The following GLRB variants were observed in gnomAD, a reference collection of about 807,000 sequenced individuals.
The protein encoded by GLRB is glycine receptor subunit beta.
Under a neutral mutation model 54.2 loss-of-function variants are expected in GLRB, and 33 were observed. The observed-to-expected ratio is 0.61, with a 90% CI of 0.46 to 0.81. The LOEUF is 0.81. Ranked by LOEUF, GLRB falls within the 40% of genes least tolerant of loss-of-function variation. GLRB has a pLI of 0.00. For missense variants in GLRB, 572 were observed against 584.6 expected, an observed-to-expected ratio of 0.98 and a Z score of 0.22; for synonymous variants, 209 against 208.2, an observed-to-expected ratio of 1.00 and a Z score of -0.03.
At chr4:157,170,409 T>G in intron 9 of GLRB, 23 bp from the exon 10 acceptor site, 1 of 1,444,090 alleles carries the variant, frequency 6.9e-7, no homozygotes, top group Non-Finnish European at 9.7e-7. Flanking sequence ...TTTAAATACA[T>G]TGTCTTCAAT....
intron 8 of GLRB, among the ~76,000 whole-genome samples, chr4:157,150,513 A>T (rs1033751440): frequency 1.3e-5 from 2 of 152,024 alleles, no homozygotes; most frequent in African/African-American, 4.8e-5. Flanking sequence ...CCCTTTTCTG[A>T]CACCAAAACA....
chr4:157,092,952 G>T (rs1045013454), intron 2 of GLRB, among the ~76,000 whole-genome samples: 1 of 152,144 alleles, frequency 6.6e-6, no homozygotes, highest in African/African-American at 2.4e-5. Context: ...CTAGCTAGTG[G>T]CAGATTTGGC....
chr4:157,099,851 C>T (rs1009149760), intron 2 of GLRB, among the ~76,000 whole-genome samples: 7 of 152,062 alleles, frequency 4.6e-5, no homozygotes, highest in African/African-American at 1.7e-4. Flanking sequence ...TTAATTTTAA[C>T]CATCTTCTGT....
chr4:157,093,826 G>C (rs11930311), intron 2 of GLRB, among the ~76,000 whole-genome samples: 37,004 of 150,058 alleles, frequency 0.25, 4,957 homozygotes, highest in East Asian at 0.42. Context: ...AAGCAATAGA[G>C]TAGTTCTTCA....
At chr4:157,094,250 T>C (rs1483529528) in intron 2 of GLRB, among the ~76,000 whole-genome samples, 2 of 152,182 alleles carry the variant, frequency 1.3e-5, no homozygotes, top group Non-Finnish European at 2.9e-5. Flanking sequence ...GTGATTACCA[T>C]TCAGTAAATT....
chr4:157,112,734 AT>A (rs765227709), intron 2 of GLRB, among the ~76,000 whole-genome samples: 2 of 152,026 alleles, frequency 1.3e-5, no homozygotes, highest in Admixed American at 6.6e-5. Context: ...AGCCACCTTC[AT>A]ATACCCCTAT....
At chr4:157,155,495 T>C (rs971698717) in intron 9 of GLRB, among the ~76,000 whole-genome samples, 1 of 152,208 alleles carries the variant, frequency 6.6e-6, no homozygotes, top group Non-Finnish European at 1.5e-5. Flanking sequence ...ACTTTCCCTT[T>C]ATCTGAGAAT....
intron 2 of GLRB, among the ~76,000 whole-genome samples, chr4:157,095,722 G>A (rs1461636361): frequency 6.6e-6 from 1 of 152,106 alleles, no homozygotes; most frequent in African/African-American, 2.4e-5. Flanking sequence ...GCATATTGAG[G>A]GCTCTCTGTG....
chr4:157,162,915 A>T (rs372562228), intron 9 of GLRB, among the ~76,000 whole-genome samples: 5 of 152,048 alleles, frequency 3.3e-5, no homozygotes, highest in East Asian at 3.9e-4. Context: ...CTTTTGTTCA[A>T]CTAGGCCTGC....
chr4:157,102,578 A>G (rs187451697), intron 2 of GLRB, among the ~76,000 whole-genome samples: 11 of 152,318 alleles, frequency 7.2e-5, no homozygotes, highest in African/African-American at 1.9e-4. Flanking sequence ...TACACAATAT[A>G]TAAATTTAGA....
chr4:157,143,073 T>C (rs1736676370), intron 7 of GLRB, among the ~76,000 whole-genome samples: 1 of 152,138 alleles, frequency 6.6e-6, no homozygotes, highest in Non-Finnish European at 1.5e-5. Flanking sequence ...GTTGATGTCA[T>C]GGCCACTCTA....
intron 9 of GLRB, among the ~76,000 whole-genome samples, chr4:157,156,351 A>T (rs1184313379): frequency 2.0e-5 from 3 of 152,154 alleles, no homozygotes; most frequent in Admixed American, 6.6e-5. Context: ...TAGCAGTACT[A>T]CTGATTTGTG....
chr4:157,144,674 G>T lies in GLRB; in HGVS notation c.904+715G>T, dbSNP rs1042726426. Among the ~76,000 whole-genome samples the T allele has an allele frequency of 2.0e-5, 3 of 152,128 alleles. No individual in the cohort carries two copies. In the South Asian group the frequency reaches 6.2e-4, roughly 31 times the overall value. On this transcript the variant is annotated intron_variant, in intron 8 of 9. Coordinates refer to ENST00000264428, the MANE Select transcript of GLRB (RefSeq NM_000824.5). ...AAATTTTTTATTACTGTGTGTCTGTGTGTTTTCTGAATATCACCTGGAACT... is the reference window on the plus strand; with the variant it reads ...AAATTTTTTATTACTGTGTGTCTGTTTGTTTTCTGAATATCACCTGGAACT...
intron 8 of GLRB, among the ~76,000 whole-genome samples, chr4:157,144,750 G>A (rs575997706): frequency 2.6e-5 from 4 of 152,094 alleles, no homozygotes; most frequent in Non-Finnish European, 5.9e-5. Context: ...GTATGTAGTT[G>A]CTACATTTAA....
intron 4 of GLRB, among the ~76,000 whole-genome samples, chr4:157,124,546 A>G (rs1735949954): frequency 6.6e-6 from 1 of 151,886 alleles, no homozygotes; most frequent in Non-Finnish European, 1.5e-5. Context: ...ATATTAGCCA[A>G]TAGTGAGTGA....
At chr4:157,118,772 T>C (rs1405304873) in intron 2 of GLRB, among the ~76,000 whole-genome samples, 1 of 151,612 alleles carries the variant, frequency 6.6e-6, no homozygotes, top group Non-Finnish European at 1.5e-5. Context: ...ATAAAGACTT[T>C]TGATTTCAAT....
chr4:157,147,520 A>T (rs911966460), intron 8 of GLRB, among the ~76,000 whole-genome samples: 3 of 152,200 alleles, frequency 2.0e-5, no homozygotes, highest in Non-Finnish European at 2.9e-5. Flanking sequence ...TGTTAACTAT[A>T]AAAAGAAAAA....
chr4:157,082,725 G>C (rs1340903289), intron 2 of GLRB, among the ~76,000 whole-genome samples: 1 of 151,986 alleles, frequency 6.6e-6, no homozygotes, highest in African/African-American at 2.4e-5. Context: ...AAACTACACA[G>C]AGAAAAAATC....
chr4:157,115,143 A>G (rs938457060), intron 2 of GLRB, among the ~76,000 whole-genome samples: 2 of 151,652 alleles, frequency 1.3e-5, no homozygotes, highest in African/African-American at 2.4e-5. Context: ...ATTTTGTACT[A>G]TAATACAATA....
Sources: gnomAD v4.1 joint callset for allele counts (sites outside exome capture counted in the v4.1 genomes callset) on GRCh38, gnomAD v4.1.1 for gene constraint, MANE v1.5 for transcripts, NCBI Gene and HGNC (gene_info 2026-07-23, HGNC 2026-07-21) for gene names.